Variants in PLEKHA7 observed in about 807,000 individuals in gnomAD.
The protein encoded by PLEKHA7 is pleckstrin homology domain-containing family A member 7.
PLEKHA7 carries 104 observed loss-of-function variants against 170.0 expected under a neutral mutation model. The observed-to-expected ratio is 0.61, with a 90% CI of 0.52 to 0.72. The LOEUF is 0.72. Among genes scored for constraint, PLEKHA7 ranks in the 30% least tolerant of loss-of-function variants. The pLI, the probability that PLEKHA7 is intolerant of heterozygous loss-of-function variation, is 0.00. For missense variants in PLEKHA7, 1,615 were observed against 1,671.7 expected (o/e 0.97, Z 0.59); for synonymous variants, 648 against 660.8 (o/e 0.98, Z 0.30).
intron 3 of PLEKHA7, among the ~76,000 whole-genome samples, chr11:16,998,985 A>G (rs1864508638): frequency 1.3e-5 from 2 of 151,930 alleles, no homozygotes; most frequent in South Asian, 4.2e-4. Context: ...CCAGCCCTCT[A>G]TCCTCGTATA....
At chr11:16,897,779 G>A (rs570279922) in intron 3 of PLEKHA7, among the ~76,000 whole-genome samples, 16 of 152,260 alleles carry the variant, frequency 1.1e-4, no homozygotes, top group African/African-American at 2.6e-4. Context: ...TAGCTGCAGC[G>A]GAGAGCATTT....
rs188942203 is a variant in PLEKHA7 at position 17,004,671 on chromosome 11, G to A, written c.221+9318C>T. Among the ~76,000 whole-genome samples, 57 of 152,168 alleles carry A rather than the reference G, an allele frequency of 3.7e-4. 1 individual carries two copies. Among genetic ancestry groups the A allele is most frequent in the African/African-American group, 1.2e-3 (51 of 41,504 alleles). On this transcript the variant is annotated intron_variant, in intron 3 of 26. Coordinates refer to ENST00000531066, the MANE Select transcript of PLEKHA7 (RefSeq NM_001329630.2). ...GCCTCCCAAAGTGCTGGGATTACAA[G>A]CATGAGTCACCATGCCCAGCCCAGT...
chr11:16,879,273 T>A (rs2135769270), intron 3 of PLEKHA7, among the ~76,000 whole-genome samples: 1 of 152,286 alleles, frequency 6.6e-6, no homozygotes, highest in East Asian at 1.9e-4. Context: ...CATTCCTTAC[T>A]CCTTACTTAT....
chr11:16,809,661 C>T (rs1424880663), intron 13 of PLEKHA7, among the ~76,000 whole-genome samples: 2 of 152,220 alleles, frequency 1.3e-5, no homozygotes, highest in African/African-American at 4.8e-5. Flanking sequence ...CCTAATCCAA[C>T]CATTCATCCC....
intron 13 of PLEKHA7, among the ~76,000 whole-genome samples, chr11:16,809,395 G>A (rs2134546115): frequency 6.6e-6 from 1 of 152,290 alleles, no homozygotes; most frequent in Admixed American, 6.5e-5. Context: ...GGCACATGGA[G>A]GGGAGAGGTC....
intron 3 of PLEKHA7, among the ~76,000 whole-genome samples, chr11:16,944,770 T>C (rs960149745): frequency 2.0e-5 from 3 of 152,198 alleles, no homozygotes; most frequent in Non-Finnish European, 4.4e-5. Context: ...CCAAGAATCC[T>C]GGAGAAAATT....
intron 3 of PLEKHA7, among the ~76,000 whole-genome samples, chr11:16,890,129 C>T (rs1485373668): frequency 6.6e-6 from 1 of 151,984 alleles, no homozygotes; most frequent in Non-Finnish European, 1.5e-5. Context: ...ACTAGACTGC[C>T]CCTACAATAA....
Position 16,973,988 on chromosome 11 carries a change from C to T in PLEKHA7, c.221+40001G>A, listed in dbSNP as rs542713817. On this transcript the variant is annotated intron_variant, in intron 3 of 26. Transcript: ENST00000531066. ...TCCCACCTTCTACCAAAGGGTTCTT[C>T]TTTATCATCACATACCTTTTACAGT... 2.0e-5 allele frequency among the ~76,000 whole-genome samples: 3 copies of T among 152,336 alleles called. No individual in the cohort carries two copies. The South Asian group carries it at 6.2e-4, about 32-fold the overall frequency.
chr11:16,932,494 A>T (rs1180424541), intron 3 of PLEKHA7, among the ~76,000 whole-genome samples: 1 of 152,094 alleles, frequency 6.6e-6, no homozygotes, highest in Non-Finnish European at 1.5e-5. Context: ...TATGTTGCCC[A>T]GGCTGGTCTT....
At chr11:17,003,094 G>A (rs567109310) in intron 3 of PLEKHA7, among the ~76,000 whole-genome samples, 13 of 149,358 alleles carry the variant, frequency 8.7e-5, no homozygotes, top group East Asian at 6.0e-4. Context: ...CCGTTCAAGC[G>A]ATTCTCCTGC....
chr11:16,830,171 A>G (rs1018850119), intron 9 of PLEKHA7, among the ~76,000 whole-genome samples: 1 of 151,180 alleles, frequency 6.6e-6, no homozygotes, highest in African/African-American at 2.4e-5. Context: ...TTTTGTAGAG[A>G]CAAGGTCTTT....
At chr11:16,909,077 C>A (rs912527624) in intron 3 of PLEKHA7, among the ~76,000 whole-genome samples, 4 of 152,132 alleles carry the variant, frequency 2.6e-5, no homozygotes, top group Admixed American at 6.5e-5. Context: ...ATTACAGTAC[C>A]ATCTTTGTAG....
At chr11:16,959,907 G>A (rs1034386420) in intron 3 of PLEKHA7, among the ~76,000 whole-genome samples, 17 of 152,116 alleles carry the variant, frequency 1.1e-4, no homozygotes, top group South Asian at 2.1e-4. Context: ...CTGCCTCCCC[G>A]GGCCAAGCCC....
intron 3 of PLEKHA7, among the ~76,000 whole-genome samples, chr11:16,934,822 G>A (rs926817172): frequency 7.2e-5 from 11 of 152,102 alleles, no homozygotes; most frequent in African/African-American, 2.7e-4. Context: ...ATTAATTAGA[G>A]GTTAAGGGGA....
intron 3 of PLEKHA7, among the ~76,000 whole-genome samples, chr11:16,938,336 T>G (rs1211124761): frequency 1.3e-5 from 2 of 152,152 alleles, no homozygotes; most frequent in Non-Finnish European, 2.9e-5. Context: ...ATTTGTGTGA[T>G]CTAGAATGAT....
intron 3 of PLEKHA7, among the ~76,000 whole-genome samples, chr11:16,937,270 A>G (rs1860370041): frequency 6.6e-6 from 1 of 152,204 alleles, no homozygotes; most frequent in Non-Finnish European, 1.5e-5. Flanking sequence ...GTTCTAACAA[A>G]TATTTATTGA....
At chr11:16,981,431 G>T (rs977944651) in intron 3 of PLEKHA7, among the ~76,000 whole-genome samples, 2 of 152,072 alleles carry the variant, frequency 1.3e-5, no homozygotes. Context: ...TGACCACCCT[G>T]GTCCACGGAA....
In PLEKHA7 at chr11:16,826,311, C is replaced by G; in HGVS notation, c.1152G>C (p.Gln384His). 6.2e-7 allele frequency: 1 copy of G among 1,614,260 alleles called. No individual in the cohort carries two copies. The highest frequency in any genetic ancestry group is 2.2e-5 in the East Asian group (1 of 44,876). Residue 384 changes from glutamine to histidine, a missense_variant, in exon 10 of 27, where the codon CAG becomes CAC. Physicochemically the swap from Gln to His is conservative, Grantham distance 24. Transcript: ENST00000531066. ...FMDLPTGPRGQQAQPQRAEKN... is the reference protein window; with the variant it reads ...FMDLPTGPRGHQAQPQRAEKN... The stretch of plus-strand genomic sequence containing the variant: ...TCTCTGCCCGTTGGGGCTGTGCCTG[C>G]TGGCCTCTTGGGCCAGTGGGTAAAT...
At chr11:16,890,244 C>T (rs1253063108) in intron 3 of PLEKHA7, among the ~76,000 whole-genome samples, 1 of 152,070 alleles carries the variant, frequency 6.6e-6, no homozygotes, top group Non-Finnish European at 1.5e-5. Flanking sequence ...ATTATACAAT[C>T]GAGACTGCAA....
Sources: allele counts gnomAD v4.1 joint callset (sites outside exome capture counted in the v4.1 genomes callset), GRCh38; gene constraint gnomAD v4.1.1; transcripts MANE v1.5; gene names NCBI Gene and HGNC (gene_info 2026-07-23, HGNC 2026-07-21).